IQCH: variants seen among roughly 807,000 people sequenced by gnomAD.
IQCH encodes IQ motif containing H.
A neutral mutation model predicts 117.0 loss-of-function variants in IQCH; 98 were observed. That is an observed-to-expected ratio of 0.84 (90% CI 0.71 to 0.99). IQCH has a LOEUF of 0.99. Among genes scored for constraint, IQCH ranks in the 50% least tolerant of loss-of-function variants. The pLI is 0.00. For synonymous variants in IQCH, 412 were observed against 448.2 expected (o/e 0.92, Z 1.02); for missense variants, 1,102 against 1,243.8 (o/e 0.89, Z 1.72).
At chr15:67,338,135 T>G (rs1024307887) in intron 5 of IQCH, among the ~76,000 whole-genome samples, 2 of 152,216 alleles carry the variant, frequency 1.3e-5, no homozygotes, top group African/African-American at 4.8e-5. Flanking sequence ...TAATACCATC[T>G]TATATTCTTC....
intron 3 of IQCH, among the ~76,000 whole-genome samples, chr15:67,265,379 T>C (rs1383406903): frequency 6.6e-6 from 1 of 152,224 alleles, no homozygotes; most frequent in Non-Finnish European, 1.5e-5. Flanking sequence ...GGATCATATC[T>C]TTCCTATTCA....
intron 13 of IQCH, among the ~76,000 whole-genome samples, chr15:67,396,907 T>C (rs1208486603): frequency 1.3e-5 from 2 of 152,228 alleles, no homozygotes; most frequent in Non-Finnish European, 1.5e-5. Context: ...TCTTGGGCAA[T>C]GTTCATGGGC....
In IQCH at chr15:67,386,478, A is replaced by G. The variant is rs556064741; in HGVS notation, c.1456+1459A>G. Among the ~76,000 whole-genome samples the G allele has an allele frequency of 6.6e-6, 1 of 152,328 alleles. No individual in the cohort carries two copies. The highest frequency in any genetic ancestry group is 2.4e-5 in the African/African-American group (1 of 41,576). ...TCATAAAAAGTCTTCAAGAGGAGTA[A>G]TGAAAGTTTAGAAATAGTAGTTAGA... On this transcript the variant is annotated intron_variant, in intron 11 of 20. Transcript: ENST00000335894. The surrounding 1 kb of genome is among the most constrained non-coding windows in gnomAD (Gnocchi z 5.0).
At chr15:67,394,494 T>C (rs975429732) in intron 12 of IQCH, among the ~76,000 whole-genome samples, 19 of 152,140 alleles carry the variant, frequency 1.2e-4, no homozygotes, top group Admixed American at 1.2e-3. Flanking sequence ...CAGTTATGTG[T>C]TAACTGTTAT....
rs1185599104 is a variant in IQCH at position 67,372,366 on chromosome 15, C to T, written c.1009C>T (p.Leu337Phe). The part of the protein sequence containing the change: ...LLPEFELTNK[L>F]TRYDLLSVLE... ...TCCAGAGTTTGAGCTGACGAATAAA[C>T]TTACCAGATATGACCTTCTCTCAGT... The change falls in exon 9 of 21, where the codon CTT becomes TTT. Residue 337 changes from leucine (L) to phenylalanine (F), a missense_variant. Coordinates refer to ENST00000335894, the MANE Select transcript of IQCH (RefSeq NM_001031715.3). 1.2e-6 allele frequency: 2 copies of T among 1,614,102 alleles called. No individual in the cohort carries two copies. Among genetic ancestry groups the T allele is most frequent in the Non-Finnish European group, 1.7e-6 (2 of 1,180,016 alleles).
intron 4 of IQCH, chr15:67,306,901 A>G: frequency 6.6e-7 from 1 of 1,507,666 alleles, no homozygotes; most frequent in South Asian, 1.2e-5. Flanking sequence ...ATCCAGTTCC[A>G]GTTAGACTTT....
chr15:67,333,781 G>A (rs1167511199), intron 4 of IQCH, among the ~76,000 whole-genome samples: 4 of 152,072 alleles, frequency 2.6e-5, no homozygotes, highest in Non-Finnish European at 4.4e-5. Flanking sequence ...TTTTGGCAGG[G>A]TGCAGTGGTT....
Position 67,448,157 on chromosome 15 carries a change from CTGTG to C in IQCH, c.2506-16950_2506-16947del, listed in dbSNP as rs113292992. ...GTACAGGTATCCATCCTAAGTGACT[CTGTG>C]TGTGTGTGTGTGTGTGTGTAACAGC... On this transcript the variant is annotated intron_variant, in intron 16 of 20. Coordinates refer to ENST00000335894, the MANE Select transcript of IQCH (RefSeq NM_001031715.3). Among the ~76,000 whole-genome samples the C allele has an allele frequency of 9.9e-3, 1,460 of 147,664 alleles. 36 individuals carry two copies. Among genetic ancestry groups the C allele is most frequent in the African/African-American group, 0.033 (1,319 of 40,464 alleles).
At chr15:67,331,650 C>G (rs1968671612) in intron 4 of IQCH, among the ~76,000 whole-genome samples, 2 of 152,148 alleles carry the variant, frequency 1.3e-5, no homozygotes, top group South Asian at 4.1e-4. Flanking sequence ...TAGTGTATTT[C>G]TCATTCTCAA....
intron 6 of IQCH, among the ~76,000 whole-genome samples, chr15:67,348,062 A>G (rs931100295): frequency 5.9e-5 from 9 of 152,076 alleles, no homozygotes; most frequent in Admixed American, 3.3e-4. Flanking sequence ...AAAAAAAATC[A>G]ACATCCATTT....
At chr15:67,281,258 C>T (rs1016327848) in intron 4 of IQCH, among the ~76,000 whole-genome samples, 2 of 152,150 alleles carry the variant, frequency 1.3e-5, no homozygotes, top group Non-Finnish European at 2.9e-5. Flanking sequence ...GCCATAGGCT[C>T]TTGACCTCCT....
At chr15:67,332,163 C>G (rs761593197) in intron 4 of IQCH, among the ~76,000 whole-genome samples, 1 of 152,052 alleles carries the variant, frequency 6.6e-6, no homozygotes, top group African/African-American at 2.4e-5. Flanking sequence ...TTCTCAAAGT[C>G]AAGGAAGAAC....
chr15:67,363,403 AT>A lies in IQCH; in HGVS notation c.753+3532del, dbSNP rs879553259. Among the ~76,000 whole-genome samples the A allele has an allele frequency of 3.7e-3, 524 of 142,774 alleles. 4 individuals carry two copies. The highest frequency in any genetic ancestry group is 0.012 in the East Asian group (60 of 4,930). The allele number at this position is 142,774 out of a possible 152,430, so 93.7% of individuals were successfully genotyped here. A position where few individuals can be genotyped will look rare whatever the true frequency, so the allele number is the denominator to read the frequency against. ...GGCGTGCACCACCACACCCAGCTAAATTTTTTTTTTTTTTGTATTTTTAGTA... is the reference window on the plus strand; with the variant it reads ...GGCGTGCACCACCACACCCAGCTAAATTTTTTTTTTTTTGTATTTTTAGTA... On this transcript the variant is annotated intron_variant, in intron 8 of 20. Coordinates refer to ENST00000335894, the MANE Select transcript of IQCH (RefSeq NM_001031715.3).
rs192122913 is a variant in IQCH at position 67,301,367 on chromosome 15, G to A, written c.387+21855G>A. On this transcript the variant is annotated intron_variant, in intron 4 of 20. Coordinates refer to ENST00000335894, the MANE Select transcript of IQCH (RefSeq NM_001031715.3). The stretch of plus-strand genomic sequence containing the variant: ...CAAATTTAGGTTTTGAATGTACTTG[G>A]TAGTGAATTTCAGTGAAACATTTGT... Among the ~76,000 whole-genome samples the A allele has an allele frequency of 2.0e-4, 30 of 147,116 alleles. 1 individual carries two copies. The East Asian group carries it at 5.7e-3, about 28-fold the overall frequency.
At position 67,376,299 on chromosome 15, in the gene IQCH, T is replaced by TA. The variant is rs1466555576; in HGVS notation, c.1372+2867dup. On this transcript the variant is annotated intron_variant, in intron 10 of 20. Transcript: ENST00000335894. The surrounding 1 kb of genome is among the most constrained non-coding windows in gnomAD (Gnocchi z 5.0). Reference sequence around the variant, plus strand: ...TTCTTTGTCTCATGCACCAGGGACTTACCTATACAATTCATAAAAATAGAA... The same window carrying TA: ...TTCTTTGTCTCATGCACCAGGGACTTAACCTATACAATTCATAAAAATAGAA... Among the ~76,000 whole-genome samples the TA allele has an allele frequency of 6.6e-6, 1 of 152,220 alleles. No individual in the cohort carries two copies. Among genetic ancestry groups the TA allele is most frequent in the African/African-American group, 2.4e-5 (1 of 41,458 alleles).
At chr15:67,331,302 A>G (rs550179742) in intron 4 of IQCH, among the ~76,000 whole-genome samples, 5 of 152,180 alleles carry the variant, frequency 3.3e-5, no homozygotes, top group Admixed American at 6.5e-5. Context: ...ACATTATACT[A>G]CAACTTAAAG....
chr15:67,372,511 C>G lies in IQCH; in HGVS notation c.1154C>G (p.Ala385Gly), dbSNP rs770406985. Residue 385 changes from alanine to glycine, a missense_variant, in exon 9 of 21, where the codon GCA becomes GGA. Coordinates refer to ENST00000335894, the MANE Select transcript of IQCH (RefSeq NM_001031715.3). ...CAAGCCACATGGAAATGCTACAAAG[C>G]AAGAAAATTCTTCCTCTTTTATCGC... ...KIQATWKCYK[A>G]RKFFLFYRQQ... The G allele has an allele frequency of 1.2e-6, 2 of 1,613,940 alleles. No homozygotes were observed. Among genetic ancestry groups the G allele is most frequent in the Non-Finnish European group, 1.7e-6 (2 of 1,179,994 alleles).
rs772575960 is a variant in IQCH at position 67,403,434 on chromosome 15, T to C, written c.2097+3129T>C. 6.6e-5 allele frequency among the ~76,000 whole-genome samples: 10 copies of C among 152,120 alleles called. No homozygotes were observed. Among genetic ancestry groups the C allele is most frequent in the Non-Finnish European group, 1.0e-4 (7 of 68,022 alleles). ...TTAGGAAAAGCAGAATGTTACATGA[T>C]GGCCAAAATGAAAACAGAACACACT... On this transcript the variant is annotated intron_variant, in intron 14 of 20. Coordinates refer to ENST00000335894, the MANE Select transcript of IQCH (RefSeq NM_001031715.3). The surrounding 1 kb of genome is among the most constrained non-coding windows in gnomAD (Gnocchi z 4.8).
At chr15:67,331,871 G>A (rs894850104) in intron 4 of IQCH, among the ~76,000 whole-genome samples, 3 of 152,190 alleles carry the variant, frequency 2.0e-5, no homozygotes, top group African/African-American at 7.2e-5. Context: ...GCACTCTGAG[G>A]ACATGACCCA....
Sources: allele counts gnomAD v4.1 joint callset (sites outside exome capture counted in the v4.1 genomes callset), GRCh38; gene constraint gnomAD v4.1.1; non-coding constraint Gnocchi (gnomAD v3.1); transcripts MANE v1.5; gene names NCBI Gene and HGNC (gene_info 2026-07-23, HGNC 2026-07-21).